Variants in DCAF8L2 observed in about 807,000 individuals in gnomAD.
DCAF8L2 encodes the protein DDB1- and CUL4-associated factor 8-like protein 2.
For synonymous variants in DCAF8L2, 200 were observed against 190.9 expected (o/e 1.05, Z -0.39); for missense variants, 430 against 490.7 (o/e 0.88, Z 1.17).
At chrX:27,589,640 C>G (rs1394162028), upstream of DCAF8L2, among the ~76,000 whole-genome samples, 3 of 111,728 alleles carry the variant, frequency 2.7e-5, no homozygotes, top group Non-Finnish European at 5.7e-5. Context: ...TTTATCTTCC[C>G]ATGATTTGCA....
intron 2 of DCAF8L2, among the ~76,000 whole-genome samples, chrX:27,635,977 A>T (rs1194681123): frequency 1.8e-5 from 2 of 109,580 alleles, no homozygotes; most frequent in African/African-American, 6.7e-5. Context: ...ACGCCCAGCT[A>T]ATTTTTTGTA....
At chrX:27,628,849 C>A (rs1468365548) in intron 1 of DCAF8L2, among the ~76,000 whole-genome samples, 1 of 110,787 alleles carries the variant, frequency 9.0e-6, no homozygotes, top group Non-Finnish European at 1.9e-5. Context: ...TTGATCTACC[C>A]GCCTCAGCCT....
chrX:27,700,932 A>G (rs1321396379), intron 3 of DCAF8L2, among the ~76,000 whole-genome samples: 1 of 111,479 alleles, frequency 9.0e-6, no homozygotes, highest in Non-Finnish European at 1.9e-5. Context: ...TCCACAGATT[A>G]AAATTCCTTG....
intron 3 of DCAF8L2, among the ~76,000 whole-genome samples, chrX:27,696,268 G>GAGAGAA (rs1199823523): frequency 1.3e-5 from 1 of 74,854 alleles, no homozygotes; most frequent in East Asian, 4.4e-4. Context: ...AAGAGAGAGA[G>GAGAGAA]AGAAAGAAAG....
the DCAF8L2 span, among the ~76,000 whole-genome samples, chrX:27,572,537 G>A: frequency 8.9e-6 from 1 of 112,129 alleles, no homozygotes. Context: ...TTAGTAAAAA[G>A]GTAAGTCTTA....
At chrX:27,615,872 C>G (rs2147146196) in intron 1 of DCAF8L2, among the ~76,000 whole-genome samples, 1 of 110,708 alleles carries the variant, frequency 9.0e-6, no homozygotes, top group Non-Finnish European at 1.9e-5. Flanking sequence ...ATAAATGGCA[C>G]TAGAAACCTT....
At chrX:27,475,453 A>C in the DCAF8L2 span, among the ~76,000 whole-genome samples, 67 of 112,097 alleles carry the variant, frequency 6.0e-4, no homozygotes, top group African/African-American at 2.0e-3. Flanking sequence ...TTTGCAAAGT[A>C]CATTCTTCCC....
intron 1 of DCAF8L2, among the ~76,000 whole-genome samples, chrX:27,630,011 G>A (rs952108149): frequency 2.7e-5 from 3 of 111,372 alleles, no homozygotes; most frequent in African/African-American, 9.8e-5. Context: ...CAGTGCAAAA[G>A]TCTTTCACCT....
At chrX:27,564,501 C>G in the DCAF8L2 span, among the ~76,000 whole-genome samples, 5 of 98,839 alleles carry the variant, frequency 5.1e-5, no homozygotes, top group Admixed American at 5.8e-4. Context: ...TGCACGTGCT[C>G]TCTTTCTCTC....
chrX:27,660,129 T>A (rs1242170942), intron 2 of DCAF8L2, among the ~76,000 whole-genome samples: 1 of 111,537 alleles, frequency 9.0e-6, no homozygotes, highest in Non-Finnish European at 1.9e-5. Context: ...TTCAAGTGAT[T>A]CTCCTGCCTC....
intron 2 of DCAF8L2, among the ~76,000 whole-genome samples, chrX:27,643,963 G>C (rs747337931): frequency 9.0e-6 from 1 of 111,297 alleles, no homozygotes; most frequent in African/African-American, 3.3e-5. Flanking sequence ...TCATAAAAAC[G>C]TCCCAATCCC....
chrX:27,700,597 TTC>T (rs1931094612), intron 3 of DCAF8L2, among the ~76,000 whole-genome samples: 1 of 111,531 alleles, frequency 9.0e-6, no homozygotes, highest in Non-Finnish European at 1.9e-5. Flanking sequence ...ATGAGACTAT[TTC>T]TTGCATAGCG....
At chrX:27,699,620 G>C (rs1042994096) in intron 3 of DCAF8L2, among the ~76,000 whole-genome samples, 1 of 111,652 alleles carries the variant, frequency 9.0e-6, no homozygotes, top group East Asian at 2.8e-4. Flanking sequence ...AAGCGAAGTG[G>C]TAGCATCAAA....
chrX:27,523,930 C>T, the DCAF8L2 span, among the ~76,000 whole-genome samples: 180 of 111,032 alleles, frequency 1.6e-3, no homozygotes, highest in Non-Finnish European at 2.6e-3. Flanking sequence ...ATTCCGTTTG[C>T]CGGTATTTTA....
intron 3 of DCAF8L2, among the ~76,000 whole-genome samples, chrX:27,687,720 CGT>C (rs1930562586): frequency 9.0e-6 from 1 of 111,033 alleles, no homozygotes; most frequent in Non-Finnish European, 1.9e-5. Context: ...TGGTCCTGGT[CGT>C]GCATGTGTGT....
the DCAF8L2 span, among the ~76,000 whole-genome samples, chrX:27,542,815 A>G: frequency 9.0e-6 from 1 of 110,568 alleles, no homozygotes; most frequent in Non-Finnish European, 1.9e-5. Context: ...GTCTTTGCCT[A>G]CTTTTTAATG....
chrX:27,575,732 C>T, the DCAF8L2 span, among the ~76,000 whole-genome samples: 2 of 111,848 alleles, frequency 1.8e-5, no homozygotes, highest in African/African-American at 3.3e-5. Flanking sequence ...GCAGAAATTC[C>T]AGTCAGAAAT....
At chrX:27,517,692 C>T in the DCAF8L2 span, 12 of 813,939 alleles carry the variant, frequency 1.5e-5, no homozygotes, top group Non-Finnish European at 2.2e-5. Context: ...TGCATTCCAC[C>T]GTATCCGCAA....
intron 3 of DCAF8L2, among the ~76,000 whole-genome samples, chrX:27,706,821 C>T (rs1931361564): frequency 1.8e-5 from 2 of 111,571 alleles, no homozygotes; most frequent in Admixed American, 9.6e-5. Context: ...AACACAAAAA[C>T]CTGTACATGA....
Sources: gnomAD v4.1 joint callset for allele counts (sites outside exome capture counted in the v4.1 genomes callset) on GRCh38, gnomAD v4.1.1 for gene constraint, MANE v1.5 for transcripts, NCBI Gene and HGNC (gene_info 2026-07-23, HGNC 2026-07-21) for gene names.